PRKN: variants seen among roughly 807,000 people sequenced by gnomAD.
PRKN encodes the protein parkin RBR E3 ubiquitin protein ligase.
A neutral mutation model predicts 59.5 loss-of-function variants in PRKN; 56 were observed. The ratio of observed to expected loss-of-function variants is 0.94; its 90% CI spans 0.76 to 1.18. The LOEUF (loss-of-function observed/expected upper bound fraction) is 1.18. Ranked by LOEUF, PRKN falls within the 50% of genes most tolerant of loss-of-function variation. The probability of loss-of-function intolerance (pLI) is 0.00; values close to 1 mark genes in which losing one functional copy is unlikely to be tolerated. For synonymous variants in PRKN, 250 were observed against 222.1 expected (o/e 1.13, Z -1.12); for missense variants, 657 against 596.4 (o/e 1.10, Z -1.06).
intron 1 of PRKN, among the ~76,000 whole-genome samples, chr6:162,578,813 T>C (rs768761057): frequency 1.3e-5 from 2 of 152,194 alleles, no homozygotes; most frequent in South Asian, 2.1e-4. Flanking sequence ...CTAAGAGCTA[T>C]TTTATCTTCA....
chr6:162,380,420 T>C lies in PRKN; in HGVS notation c.171+62890A>G, dbSNP rs574040742. Among the ~76,000 whole-genome samples the C allele has an allele frequency of 1.2e-3, 160 of 133,450 alleles. 2 individuals are homozygous for C. In the South Asian group the frequency reaches 0.023, roughly 19 times the overall value. 87.5% of individuals were successfully genotyped at this position (133,450 alleles called of 152,430 possible). A position where few individuals can be genotyped will look rare whatever the true frequency, so the allele number is the denominator to read the frequency against. On this transcript the variant is annotated intron_variant, in intron 2 of 11. Transcript: ENST00000366898. ...AGCTATATATATATATATACACACA[T>C]ATATATATGTGTGTATATATATATA...
At chr6:162,726,663 A>C (rs1779213161) in intron 1 of PRKN, among the ~76,000 whole-genome samples, 1 of 152,120 alleles carries the variant, frequency 6.6e-6, no homozygotes, top group Admixed American at 6.5e-5. Context: ...TTATAAATCC[A>C]CCTCTCATCT....
chr6:162,623,710 C>T (rs2128221311), intron 1 of PRKN, among the ~76,000 whole-genome samples: 1 of 152,046 alleles, frequency 6.6e-6, no homozygotes, highest in East Asian at 1.9e-4. Flanking sequence ...AAAGAACTGT[C>T]ATATAAAATG....
intron 6 of PRKN, among the ~76,000 whole-genome samples, chr6:161,833,497 C>T (rs1792600949): frequency 1.3e-5 from 2 of 152,200 alleles, no homozygotes; most frequent in African/African-American, 4.8e-5. Context: ...TGTTCTAGGA[C>T]CATTAGCATT....
Position 161,463,986 on chromosome 6 carries a change from G to T in PRKN, c.1084-77109C>A, listed in dbSNP as rs1790330244. Among the ~76,000 whole-genome samples the T allele has an allele frequency of 6.6e-6, 1 of 151,984 alleles. No individual in the cohort carries two copies. The highest frequency in any genetic ancestry group is 2.1e-4 in the South Asian group (1 of 4,818). On this transcript the variant is annotated intron_variant, in intron 9 of 11. Transcript: ENST00000366898. The surrounding 1 kb of genome is among the most constrained non-coding windows in gnomAD (Gnocchi z 4.8). Reference sequence around the variant, plus strand: ...TTTTTGTTTTTGTTTTTTTGAGAAGGAGTTTCGCTCTTGTTGCCCAGGCTG... The same window carrying T: ...TTTTTGTTTTTGTTTTTTTGAGAAGTAGTTTCGCTCTTGTTGCCCAGGCTG...
At chr6:161,918,002 G>A (rs916231816) in intron 6 of PRKN, among the ~76,000 whole-genome samples, 1 of 152,174 alleles carries the variant, frequency 6.6e-6, no homozygotes, top group African/African-American at 2.4e-5. Context: ...TGGTGGGGAG[G>A]ACATACATAT....
chr6:162,433,753 T>A (rs993071433), intron 2 of PRKN, among the ~76,000 whole-genome samples: 4 of 152,196 alleles, frequency 2.6e-5, no homozygotes, highest in African/African-American at 7.2e-5. Context: ...ATAGATGGAA[T>A]GCAAACACAC....
chr6:161,890,136 T>C (rs571441553), intron 6 of PRKN, among the ~76,000 whole-genome samples: 28 of 152,346 alleles, frequency 1.8e-4, no homozygotes, highest in African/African-American at 6.5e-4. Flanking sequence ...ATTTATTCAT[T>C]CAAATCCTAT....
chr6:162,001,945 A>G (rs1202474619), intron 5 of PRKN, among the ~76,000 whole-genome samples: 1 of 139,380 alleles, frequency 7.2e-6, no homozygotes, highest in African/African-American at 2.7e-5. Context: ...TTTCTTCTTT[A>G]GCCTGCTGAT....
chr6:162,595,138 C>G (rs1781452021), intron 1 of PRKN, among the ~76,000 whole-genome samples: 1 of 152,152 alleles, frequency 6.6e-6, no homozygotes, highest in Admixed American at 6.5e-5. Flanking sequence ...CGTGCCACTG[C>G]ACTCCAGCCT....
At chr6:161,826,418 C>T (rs1792247274) in intron 6 of PRKN, among the ~76,000 whole-genome samples, 1 of 152,190 alleles carries the variant, frequency 6.6e-6, no homozygotes, top group African/African-American at 2.4e-5. Flanking sequence ...TATTTATACA[C>T]ACATAGGCAT....
At chr6:161,534,731 G>C (rs1355162303) in intron 9 of PRKN, among the ~76,000 whole-genome samples, 1 of 152,206 alleles carries the variant, frequency 6.6e-6, no homozygotes, top group Admixed American at 6.5e-5. Context: ...ATCTAGCAGA[G>C]AGCCACATAC....
intron 9 of PRKN, among the ~76,000 whole-genome samples, chr6:161,433,907 C>T (rs1255404451): frequency 6.6e-6 from 1 of 151,990 alleles, no homozygotes. Flanking sequence ...ATCCCAGCTA[C>T]TCGGGAGGCT....
chr6:161,591,473 G>T (rs1452347327), intron 7 of PRKN, among the ~76,000 whole-genome samples: 1 of 152,172 alleles, frequency 6.6e-6, no homozygotes, highest in Non-Finnish European at 1.5e-5. Context: ...CCCGGCTAGA[G>T]TTTTCTGAAT....
At chr6:162,119,970 T>C (rs1229765013) in intron 4 of PRKN, among the ~76,000 whole-genome samples, 2 of 152,192 alleles carry the variant, frequency 1.3e-5, no homozygotes. Context: ...GTTATCATTA[T>C]CTTTTTAGTT....
intron 4 of PRKN, among the ~76,000 whole-genome samples, chr6:162,116,616 T>C (rs115968381): frequency 2.6e-3 from 403 of 152,350 alleles, no homozygotes; most frequent in African/African-American, 9.3e-3. Flanking sequence ...AGATTGAGTG[T>C]GTACTGTGTG....
At chr6:161,622,970 T>C (rs59966736) in intron 7 of PRKN, among the ~76,000 whole-genome samples, 2,195 of 152,346 alleles carry the variant, frequency 0.014, 74 homozygotes, top group African/African-American at 0.05. Context: ...GGCAAAAGCA[T>C]ATCTGAGTTG....
chr6:161,683,548 C>T (rs1785448804), intron 7 of PRKN, among the ~76,000 whole-genome samples: 1 of 152,192 alleles, frequency 6.6e-6, no homozygotes, highest in South Asian at 2.1e-4. Context: ...GCTCCAGCAG[C>T]TCTGACATCA....
At chr6:162,177,035 T>A (rs529565190) in intron 4 of PRKN, among the ~76,000 whole-genome samples, 3 of 151,364 alleles carry the variant, frequency 2.0e-5, no homozygotes, top group South Asian at 2.1e-4. Context: ...TATATTTTAC[T>A]CACACACAAA....
Sources: allele counts gnomAD v4.1 joint callset (sites outside exome capture counted in the v4.1 genomes callset), GRCh38; gene constraint gnomAD v4.1.1; non-coding constraint Gnocchi (gnomAD v3.1); transcripts MANE v1.5; gene names NCBI Gene and HGNC (gene_info 2026-07-23, HGNC 2026-07-21).